The following SLC17A7 variants were observed in gnomAD, a reference collection of about 807,000 sequenced individuals.
SLC17A7 encodes the protein vesicular glutamate transporter 1.
SLC17A7 carries 15 observed loss-of-function variants against 59.1 expected under a neutral mutation model. The ratio of observed to expected loss-of-function variants is 0.25; its 90% CI spans 0.17 to 0.39. The LOEUF (loss-of-function observed/expected upper bound fraction) is 0.39. Ranked by LOEUF, SLC17A7 falls within the 10% of genes least tolerant of loss-of-function variation. SLC17A7 has a pLI of 1.00. For missense variants in SLC17A7, 499 were observed against 765.1 expected, an observed-to-expected ratio of 0.65 and a Z score of 4.10; for synonymous variants, 353 against 308.9, an observed-to-expected ratio of 1.14 and a Z score of -1.50.
At chr19:49,438,972 T>C (rs1482381021) in intron 1 of SLC17A7, among the ~76,000 whole-genome samples, 2 of 152,174 alleles carry the variant, frequency 1.3e-5, no homozygotes, top group African/African-American at 4.8e-5. Context: ...TCAATCATTT[T>C]AGAGCAAGAG....
At position 49,436,833 on chromosome 19, in the gene SLC17A7, G is replaced by T; in HGVS notation, c.63-32C>A. On this transcript the variant is annotated intron_variant, in intron 1 of 11. Transcript: ENST00000221485. This position sits in a 1 kb window ranked among gnomAD's most constrained non-coding sequence, Gnocchi z 4.1. ...GACAGCAAGAGCCAGAGACTCGGAA[G>T]TCCAGGCCCCCAGCCCCCTCACCCC... 6.3e-7 allele frequency: 1 copy of T among 1,592,886 alleles called. No homozygotes were observed. The highest frequency in any genetic ancestry group is 1.7e-5 in the Admixed American group (1 of 59,598).
Position 49,433,973 on chromosome 19 carries a change from A to T in SLC17A7, c.711T>A (p.Val237=). The T allele has an allele frequency of 6.2e-7, 1 of 1,613,588 alleles. No individual in the cohort carries two copies. The highest frequency in any genetic ancestry group is 8.5e-7 in the Non-Finnish European group (1 of 1,179,942). The change falls in exon 6 of 12, where the codon GTT becomes GTA. Residue 237 remains valine, a synonymous_variant. Coordinates refer to ENST00000221485, the MANE Select transcript of SLC17A7 (RefSeq NM_020309.4). This position sits in a 1 kb window ranked among gnomAD's most constrained non-coding sequence, Gnocchi z 5.7. ...VLVQYSGWSS[V]FYVYGSFGIF... is the part of the protein sequence containing the mutation. ...CGGGTCCCTCACCGTAGACGTAGAA[A>T]ACAGAGCTCCATCCTGAGTACTGCA... is the stretch of plus-strand genomic sequence containing the variant.
intron 2 of SLC17A7, 27 bp from the exon 3 acceptor site, chr19:49,435,313 A>C: frequency 6.5e-7 from 1 of 1,546,436 alleles, no homozygotes; most frequent in Non-Finnish European, 8.9e-7. Flanking sequence ...ACATTAAATC[A>C]GCCGCCCTGT....
At position 49,429,765 on chromosome 19, in the gene SLC17A7, T is replaced by G. The variant is rs2078950651; in HGVS notation, c.*754A>C. 1 of 394,302 alleles carries G rather than the reference T, an allele frequency of 2.5e-6. No homozygotes were observed. The highest frequency in any genetic ancestry group is 4.5e-6 in the Non-Finnish European group (1 of 223,626). The allele number at this position is 394,302 out of a possible 1,614,324, so 24.4% of individuals were successfully genotyped here. A position where few individuals can be genotyped will look rare whatever the true frequency, so the allele number is the denominator to read the frequency against. On this transcript the variant is annotated 3_prime_UTR_variant, in exon 12 of 12. Transcript: ENST00000221485. The stretch of plus-strand genomic sequence containing the variant: ...TGGTAGCTTCAAACCTTTGAGTTCA[T>G]GGACTGGAGCAGCCACTATTTAGAC...
rs114660419 is a variant in SLC17A7, at chr19:49,433,716, G to T, written c.867+10C>A. On this transcript the variant is annotated intron_variant, in intron 7 of 11. Transcript: ENST00000221485. This position sits in a 1 kb window ranked among gnomAD's most constrained non-coding sequence, Gnocchi z 5.7. ...CTCCCCGCCCCTTCCCCGAAGATTT[G>T]GTCCCGGACCGTGAGGGGGTTCATG... 3.2e-4 allele frequency: 510 copies of T among 1,614,094 alleles called. 2 individuals are homozygous for T. In the African/African-American group the frequency reaches 6.1e-3, roughly 19 times the overall value.
Position 49,431,581 on chromosome 19 carries a change from C to A in SLC17A7, c.1151-133G>T, listed in dbSNP as rs1008838066. The A allele has an allele frequency of 1.4e-6, 1 of 692,122 alleles. No individual in the cohort carries two copies. Among genetic ancestry groups the A allele is most frequent in the Non-Finnish European group, 2.4e-6 (1 of 409,894 alleles). 42.9% of individuals were successfully genotyped at this position (692,122 alleles called of 1,614,324 possible). A position where few individuals can be genotyped will look rare whatever the true frequency, so the allele number is the denominator to read the frequency against. ...CACCCCAGTCTGGCCACCTCCACGC[C>A]CAGGCCTCTTCGCGCCCTCCACGCC... On this transcript the variant is annotated intron_variant, in intron 9 of 11. Coordinates refer to ENST00000221485, the MANE Select transcript of SLC17A7 (RefSeq NM_020309.4). This position sits in a 1 kb window ranked among gnomAD's most constrained non-coding sequence, Gnocchi z 4.6.
In SLC17A7 at chr19:49,433,662, A is replaced by G; in HGVS notation, c.867+64T>C. ...TCTGCAGGAACCGTCCCTGATCTAC[A>G]CGCTGTGCAGGTTCGTGGCTTGCTA... On this transcript the variant is annotated intron_variant, in intron 7 of 11. Transcript: ENST00000221485. This position sits in a 1 kb window ranked among gnomAD's most constrained non-coding sequence, Gnocchi z 5.7. The G allele has an allele frequency of 6.2e-7, 1 of 1,608,202 alleles. No homozygotes were observed. Among genetic ancestry groups the G allele is most frequent in the South Asian group, 1.1e-5 (1 of 90,730 alleles).
At chr19:49,434,903 A>G (rs2078974379) in intron 3 of SLC17A7, 21 bp from the exon 4 acceptor site, 1 of 1,600,320 alleles carries the variant, frequency 6.2e-7, no homozygotes, top group Non-Finnish European at 8.5e-7. Context: ...GGGTCAGAGA[A>G]AAGAATCCAA....
chr19:49,431,543 A>C lies in SLC17A7; in HGVS notation c.1151-95T>G. On this transcript the variant is annotated intron_variant, in intron 9 of 11. Coordinates refer to ENST00000221485, the MANE Select transcript of SLC17A7 (RefSeq NM_020309.4). This position sits in a 1 kb window ranked among gnomAD's most constrained non-coding sequence, Gnocchi z 4.6. ...CCCTTCCAGACCTGCTCCAGCCCCA[A>C]ACCGCGTCTATCCACCCCAGTCTGG... is the stretch of plus-strand genomic sequence containing the variant. 18 of 1,016,580 alleles carry C rather than the reference A, an allele frequency of 1.8e-5. No individual in the cohort carries two copies. Among genetic ancestry groups the C allele is most frequent in the Non-Finnish European group, 2.6e-5 (18 of 680,236 alleles). The allele number at this position is 1,016,580 out of a possible 1,614,324, so 63.0% of individuals were successfully genotyped here.
Position 49,430,432 on chromosome 19 carries a change from G to C in SLC17A7, c.*87C>G. On this transcript the variant is annotated 3_prime_UTR_variant, in exon 12 of 12. Transcript: ENST00000221485. Reference sequence around the variant, plus strand: ...TCTTAGGCCTGAGGCAGGACAGAGAGGAGCAGGGTTCCTTGACACTGTCAC... The same window carrying C: ...TCTTAGGCCTGAGGCAGGACAGAGACGAGCAGGGTTCCTTGACACTGTCAC... The C allele has an allele frequency of 1.1e-6, 1 of 948,740 alleles. No homozygotes were observed. Among genetic ancestry groups the C allele is most frequent in the Non-Finnish European group, 1.6e-6 (1 of 635,320 alleles). The allele number at this position is 948,740 out of a possible 1,614,324, so 58.8% of individuals were successfully genotyped here. A position where few individuals can be genotyped will look rare whatever the true frequency, so the allele number is the denominator to read the frequency against.
Position 49,441,393 on chromosome 19 carries a change from G to T in SLC17A7, c.-14C>A. On this transcript the variant is annotated 5_prime_UTR_variant, in exon 1 of 12. Transcript: ENST00000221485. ...GCGGAACTCCATGGTGGCGGCTCCT[G>T]CCGCCGGTCACCCCGCGGGTCCCCC... 1 of 1,532,954 alleles carries T rather than the reference G, an allele frequency of 6.5e-7. No individual in the cohort carries two copies. The highest frequency in any genetic ancestry group is 8.7e-7 in the Non-Finnish European group (1 of 1,145,828). The allele number at this position is 1,532,954 out of a possible 1,614,324, so 95.0% of individuals were successfully genotyped here.
chr19:49,436,956 G>T lies in SLC17A7; in HGVS notation c.63-155C>A. 1 of 1,119,558 alleles carries T rather than the reference G, an allele frequency of 8.9e-7. No homozygotes were observed. The highest frequency in any genetic ancestry group is 1.2e-6 in the Non-Finnish European group (1 of 813,730). 69.4% of individuals were successfully genotyped at this position (1,119,558 alleles called of 1,614,324 possible). A position where few individuals can be genotyped will look rare whatever the true frequency, so the allele number is the denominator to read the frequency against. On this transcript the variant is annotated intron_variant, in intron 1 of 11. Transcript: ENST00000221485. This position sits in a 1 kb window ranked among gnomAD's most constrained non-coding sequence, Gnocchi z 4.1. Reference sequence around the variant, plus strand: ...AGAGTCCAGGTCCCTGGCTCCCTTCGCCCCCCTGATCCAGAAATCCTCCAT... The same window carrying T: ...AGAGTCCAGGTCCCTGGCTCCCTTCTCCCCCCTGATCCAGAAATCCTCCAT...
rs1408042682 is a variant in SLC17A7 at position 49,430,389 on chromosome 19, G to C, written c.*130C>G. 3.1e-6 allele frequency: 2 copies of C among 640,112 alleles called. No homozygotes were observed. The highest frequency in any genetic ancestry group is 3.3e-5 in the Admixed American group (1 of 30,074). The allele number at this position is 640,112 out of a possible 1,614,324, so 39.7% of individuals were successfully genotyped here. A position where few individuals can be genotyped will look rare whatever the true frequency, so the allele number is the denominator to read the frequency against. On this transcript the variant is annotated 3_prime_UTR_variant, in exon 12 of 12. Coordinates refer to ENST00000221485, the MANE Select transcript of SLC17A7 (RefSeq NM_020309.4). ...AAGGAAAGAGGATTTGACAGCACTG[G>C]GAACAAGGGAGAGTGCTTCTTAGGC...
At chr19:49,441,105 C>T (rs1790498115) in intron 1 of SLC17A7, among the ~76,000 whole-genome samples, 1 of 151,922 alleles carries the variant, frequency 6.6e-6, no homozygotes, top group African/African-American at 2.4e-5. Flanking sequence ...AGAGTGGAGC[C>T]GGGTGGGGTG....
At position 49,430,735 on chromosome 19, in the gene SLC17A7, A is replaced by G; in HGVS notation, c.1467T>C (p.Phe489=). ...HYGGVIFYGV[F]ASGEKQPWAE... is the part of the protein sequence containing the mutation. ...CCCACGGCTGCTTCTCTCCAGAAGCAAAGACCCCGTAGAAGATGACACCTC... is the reference window on the plus strand; with the variant it reads ...CCCACGGCTGCTTCTCTCCAGAAGCGAAGACCCCGTAGAAGATGACACCTC... The change falls in exon 12 of 12, where the codon TTT becomes TTC. Residue 489 remains phenylalanine (F), a synonymous_variant. Coordinates refer to ENST00000221485, the MANE Select transcript of SLC17A7 (RefSeq NM_020309.4). 6.2e-7 allele frequency: 1 copy of G among 1,614,158 alleles called. No homozygotes were observed. Among genetic ancestry groups the G allele is most frequent in the African/African-American group, 1.3e-5 (1 of 75,056 alleles).
chr19:49,439,492 C>T (rs1479506605), intron 1 of SLC17A7, among the ~76,000 whole-genome samples: 2 of 152,196 alleles, frequency 1.3e-5, no homozygotes, highest in Admixed American at 6.5e-5. Context: ...CCAGCTGTGG[C>T]ATCACTCTTC....
chr19:49,438,935 G>C (rs528403346), intron 1 of SLC17A7, among the ~76,000 whole-genome samples: 2 of 152,250 alleles, frequency 1.3e-5, no homozygotes, highest in East Asian at 3.9e-4. Context: ...AAATGCAAGA[G>C]AATAAAGAGG....
intron 1 of SLC17A7, among the ~76,000 whole-genome samples, chr19:49,440,122 C>T (rs1313712281): frequency 6.6e-6 from 1 of 152,216 alleles, no homozygotes; most frequent in Non-Finnish European, 1.5e-5. Flanking sequence ...TTCTGTCCAG[C>T]CTTATTCTTG....
chr19:49,438,112 C>T (rs1440994734), intron 1 of SLC17A7: 1 of 142,838 alleles, frequency 7.0e-6, no homozygotes, highest in Non-Finnish European at 1.5e-5. Context: ...GTCAGAGACA[C>T]AGAGGATGAC....
Sources: allele counts gnomAD v4.1 joint callset (sites outside exome capture counted in the v4.1 genomes callset), GRCh38; gene constraint gnomAD v4.1.1; non-coding constraint Gnocchi (gnomAD v3.1); transcripts MANE v1.5; gene names NCBI Gene and HGNC (gene_info 2026-07-23, HGNC 2026-07-21).